Variants in ADGRB3 observed in about 807,000 individuals in gnomAD.
ADGRB3 encodes brain-specific angiogenesis inhibitor 3.
ADGRB3 carries 37 observed loss-of-function variants against 193.4 expected under a neutral mutation model. The ratio of observed to expected loss-of-function variants is 0.19; its 90% CI spans 0.15 to 0.25. ADGRB3 has a LOEUF of 0.25. Among genes scored for constraint, ADGRB3 ranks in the 10% least tolerant of loss-of-function variants. ADGRB3 has a pLI of 1.00. For missense variants in ADGRB3, 1,637 were observed against 1,852.9 expected (o/e 0.88, Z 2.14); for synonymous variants, 690 against 644.2 (o/e 1.07, Z -1.08).
At chr6:68,956,541 G>T (rs1330228926) in intron 7 of ADGRB3, 104 bp from the exon 8 acceptor site, 6 of 1,365,090 alleles carry the variant, frequency 4.4e-6, no homozygotes, top group African/African-American at 4.3e-5. Context: ...ATTCACAGTA[G>T]TAGATTAACA....
At chr6:69,120,505 A>G (rs1203349038) in intron 17 of ADGRB3, among the ~76,000 whole-genome samples, 7 of 152,326 alleles carry the variant, frequency 4.6e-5, no homozygotes, top group Middle Eastern at 3.4e-3. Flanking sequence ...TTGGGTCAAG[A>G]TGGTTTCTCT....
intron 3 of ADGRB3, among the ~76,000 whole-genome samples, chr6:68,921,060 G>A (rs1157442472): frequency 1.3e-5 from 2 of 151,922 alleles, no homozygotes; most frequent in South Asian, 4.1e-4. Context: ...AGTAGCAATG[G>A]CAATTCCTAT....
At chr6:68,745,698 A>G (rs1010720176) in intron 3 of ADGRB3, among the ~76,000 whole-genome samples, 1 of 151,744 alleles carries the variant, frequency 6.6e-6, no homozygotes, top group Non-Finnish European at 1.5e-5. Context: ...TTTATATTGT[A>G]TATTAATATG....
chr6:68,817,398 G>A (rs2127378820), intron 3 of ADGRB3, among the ~76,000 whole-genome samples: 1 of 127,312 alleles, frequency 7.9e-6, no homozygotes, highest in Non-Finnish European at 1.6e-5. Flanking sequence ...ATGACTTTAA[G>A]GCATGAGTTT....
intron 20 of ADGRB3, among the ~76,000 whole-genome samples, chr6:69,271,230 T>G (rs1451072665): frequency 1.3e-5 from 2 of 152,120 alleles, no homozygotes; most frequent in Non-Finnish European, 2.9e-5. Context: ...TACCACAGGT[T>G]GAGAGAGCTG....
intron 17 of ADGRB3, among the ~76,000 whole-genome samples, chr6:69,167,772 A>C (rs1303381451): frequency 6.6e-6 from 1 of 152,154 alleles, no homozygotes; most frequent in Non-Finnish European, 1.5e-5. Flanking sequence ...GTACCACAGA[A>C]ATAGCTGGTT....
At chr6:68,785,858 G>A (rs1766957076) in intron 3 of ADGRB3, among the ~76,000 whole-genome samples, 1 of 152,142 alleles carries the variant, frequency 6.6e-6, no homozygotes. Context: ...TCTAACTGGT[G>A]TGAGATGGTA....
At chr6:69,169,733 T>C (rs748986390) in intron 17 of ADGRB3, among the ~76,000 whole-genome samples, 1 of 152,128 alleles carries the variant, frequency 6.6e-6, no homozygotes, top group Non-Finnish European at 1.5e-5. Context: ...TAATATTCTA[T>C]AACTATTGGT....
chr6:68,976,695 G>A (rs1253874813), intron 10 of ADGRB3, among the ~76,000 whole-genome samples: 5 of 152,132 alleles, frequency 3.3e-5, no homozygotes, highest in Non-Finnish European at 5.9e-5. Flanking sequence ...TGCTTGAATA[G>A]TGGAAGTGGA....
At chr6:69,321,503 G>A (rs1433468303) in intron 20 of ADGRB3, among the ~76,000 whole-genome samples, 2 of 151,770 alleles carry the variant, frequency 1.3e-5, no homozygotes, top group Non-Finnish European at 2.9e-5. Context: ...AGTGAGTCCA[G>A]TGATAGTGAT....
At chr6:69,089,925 G>A (rs1408193238) in intron 17 of ADGRB3, among the ~76,000 whole-genome samples, 1 of 152,200 alleles carries the variant, frequency 6.6e-6, no homozygotes, top group Non-Finnish European at 1.5e-5. Flanking sequence ...CCCAGGTTGA[G>A]AACCATTGAT....
At position 69,361,575 on chromosome 6, in the gene ADGRB3, TATTG is replaced by T. The variant is rs891766999; in HGVS notation, c.4239+72_4239+75del. 2.8e-5 allele frequency: 41 copies of T among 1,484,476 alleles called. No homozygotes were observed. In the African/African-American group the frequency reaches 4.9e-4, roughly 18 times the overall value. 92.0% of individuals were successfully genotyped at this position (1,484,476 alleles called of 1,614,324 possible). On this transcript the variant is annotated intron_variant, in intron 29 of 31. Transcript: ENST00000370598. ...AAATATGAATAGATATAAATAGAGA[TATTG>T]ATTGATTGGTTGATTGATTGATGTG...
At chr6:69,094,240 T>A (rs1220644324) in intron 17 of ADGRB3, among the ~76,000 whole-genome samples, 2 of 152,236 alleles carry the variant, frequency 1.3e-5, no homozygotes, top group East Asian at 3.8e-4. Flanking sequence ...CAACACCTTC[T>A]CCATGCACAC....
At chr6:69,382,983 G>A (rs767851611) in intron 31 of ADGRB3, 48 bp downstream of exon 31, 16 of 1,311,868 alleles carry the variant, frequency 1.2e-5, no homozygotes, top group Non-Finnish European at 1.7e-5. Flanking sequence ...CATCATGTCA[G>A]ATATTATTCC....
At chr6:69,247,877 A>T (rs138517793) in intron 20 of ADGRB3, among the ~76,000 whole-genome samples, 1 of 152,246 alleles carries the variant, frequency 6.6e-6, no homozygotes, top group South Asian at 2.1e-4. Context: ...TGGAATAATT[A>T]TAATGGAGGT....
chr6:69,095,974 A>G (rs1167047551), intron 17 of ADGRB3, among the ~76,000 whole-genome samples: 1 of 152,228 alleles, frequency 6.6e-6, no homozygotes, highest in Non-Finnish European at 1.5e-5. Flanking sequence ...CAATAATCTA[A>G]TGTAAGACCA....
At chr6:68,674,222 TTTGA>T (rs900058536) in intron 3 of ADGRB3, among the ~76,000 whole-genome samples, 8 of 152,280 alleles carry the variant, frequency 5.3e-5, no homozygotes, top group African/African-American at 1.9e-4. Context: ...GTGTGCTTTC[TTTGA>T]TTGATTTTTG....
At chr6:69,017,719 A>G (rs1355216110) in intron 12 of ADGRB3, among the ~76,000 whole-genome samples, 3 of 151,924 alleles carry the variant, frequency 2.0e-5, no homozygotes, top group African/African-American at 2.4e-5. Flanking sequence ...CTGCTTAGCC[A>G]CTATTAAAGA....
At chr6:69,353,640 TA>T (rs1471095332) in intron 26 of ADGRB3, among the ~76,000 whole-genome samples, 1 of 152,190 alleles carries the variant, frequency 6.6e-6, no homozygotes, top group East Asian at 1.9e-4. Context: ...TGGCAAGAAT[TA>T]TTAGTGTTGA....
Sources: gnomAD v4.1 joint callset for allele counts (sites outside exome capture counted in the v4.1 genomes callset) on GRCh38, gnomAD v4.1.1 for gene constraint, MANE v1.5 for transcripts, NCBI Gene and HGNC (gene_info 2026-07-23, HGNC 2026-07-21) for gene names.